Variants in RASGRF2 observed in about 807,000 individuals in gnomAD.
RASGRF2 encodes the protein ras-specific guanine nucleotide-releasing factor 2.
In RASGRF2, 76 loss-of-function variants were observed where a neutral mutation model predicts 151.0. That is an observed-to-expected ratio of 0.50 (90% confidence interval 0.42 to 0.61). The LOEUF (loss-of-function observed/expected upper bound fraction) is 0.61. Among genes scored for constraint, RASGRF2 ranks in the 20% least tolerant of loss-of-function variants. RASGRF2 has a pLI of 0.00. For synonymous variants in RASGRF2, 504 were observed against 566.5 expected (o/e 0.89, Z 1.57); for missense variants, 1,148 against 1,564.6 (o/e 0.73, Z 4.49).
chr5:81,158,786 A>G (rs1448383591), intron 17 of RASGRF2, among the ~76,000 whole-genome samples: 1 of 152,202 alleles, frequency 6.6e-6, no homozygotes, highest in Non-Finnish European at 1.5e-5. Flanking sequence ...AGATGGTGAC[A>G]AGAGGCAGTA....
intron 17 of RASGRF2, among the ~76,000 whole-genome samples, chr5:81,166,567 C>G (rs548507805): frequency 1.3e-5 from 2 of 152,270 alleles, no homozygotes; most frequent in African/African-American, 4.8e-5. Flanking sequence ...AAGAAAGACA[C>G]AGCCTCTATT....
At chr5:81,015,836 A>G (rs1749617278) in intron 1 of RASGRF2, among the ~76,000 whole-genome samples, 1 of 152,224 alleles carries the variant, frequency 6.6e-6, no homozygotes, top group Non-Finnish European at 1.5e-5. Flanking sequence ...AATGCAAAAA[A>G]TGAAACAATG....
intron 17 of RASGRF2, among the ~76,000 whole-genome samples, chr5:81,128,264 A>G (rs932784095): frequency 1.3e-5 from 2 of 152,182 alleles, no homozygotes; most frequent in Admixed American, 6.5e-5. Flanking sequence ...GAAAATGGTT[A>G]AGAGAGTAGA....
In RASGRF2 at chr5:80,960,433, C is replaced by T. The variant is rs2112194480; in HGVS notation, c.-306C>T. Reference sequence around the variant, plus strand: ...CCCGCAACTTTGGGCGAAGCGGCGGCCGGCTCGGGCGCCCTCGCGGGGCCG... The same window carrying T: ...CCCGCAACTTTGGGCGAAGCGGCGGTCGGCTCGGGCGCCCTCGCGGGGCCG... On this transcript the variant is annotated 5_prime_UTR_variant, in exon 1 of 27. Coordinates refer to ENST00000265080, the MANE Select transcript of RASGRF2 (RefSeq NM_006909.3). The surrounding 1 kb of genome is among the most constrained non-coding windows in gnomAD (Gnocchi z 5.5). Among the ~76,000 whole-genome samples, 1 of 150,244 alleles carries T rather than the reference C, an allele frequency of 6.7e-6. No individual in the cohort carries two copies. Among genetic ancestry groups the T allele is most frequent in the South Asian group, 2.1e-4 (1 of 4,710 alleles).
intron 12 of RASGRF2, among the ~76,000 whole-genome samples, chr5:81,097,545 TAAG>T (rs760820849): frequency 1.3e-5 from 2 of 152,112 alleles, no homozygotes; most frequent in Non-Finnish European, 2.9e-5. Flanking sequence ...TAGGGCAAGG[TAAG>T]AAGGATTGGG....
intron 1 of RASGRF2, among the ~76,000 whole-genome samples, chr5:81,042,151 T>C (rs1209622780): frequency 6.6e-6 from 1 of 152,186 alleles, no homozygotes; most frequent in African/African-American, 2.4e-5. Flanking sequence ...TGAGAGAAAT[T>C]ATTTTACCCC....
intron 4 of RASGRF2, among the ~76,000 whole-genome samples, chr5:81,072,960 T>C (rs971950046): frequency 2.6e-5 from 4 of 152,218 alleles, no homozygotes; most frequent in Non-Finnish European, 4.4e-5. Context: ...GTACCCAGCA[T>C]TTACCTGGGC....
At chr5:81,003,430 A>G (rs538372792) in intron 1 of RASGRF2, among the ~76,000 whole-genome samples, 33 of 151,828 alleles carry the variant, frequency 2.2e-4, no homozygotes, top group South Asian at 1.0e-3. Context: ...TCACCAGGTT[A>G]GCCAGGATGG....
intron 19 of RASGRF2, among the ~76,000 whole-genome samples, chr5:81,205,971 G>A (rs545140821): frequency 6.6e-6 from 1 of 152,172 alleles, no homozygotes; most frequent in Non-Finnish European, 1.5e-5. Flanking sequence ...GGATGGTCTC[G>A]ATCTCCTGAC....
At chr5:81,099,900 CTTTTTTCTTTTTTT>C (rs1752648070) in intron 12 of RASGRF2, among the ~76,000 whole-genome samples, 1 of 127,644 alleles carries the variant, frequency 7.8e-6, no homozygotes, top group Non-Finnish European at 1.6e-5. Flanking sequence ...CACTATTTTT[CTTTTTTCTTTTTTT>C]TTTTTTTTTT....
intron 17 of RASGRF2, among the ~76,000 whole-genome samples, chr5:81,128,284 C>G (rs1283869730): frequency 6.6e-6 from 1 of 152,070 alleles, no homozygotes; most frequent in Non-Finnish European, 1.5e-5. Flanking sequence ...ATTTTAGATG[C>G]TCTCCCCACA....
chr5:81,134,421 T>C (rs1307257861), intron 17 of RASGRF2, among the ~76,000 whole-genome samples: 4 of 152,150 alleles, frequency 2.6e-5, no homozygotes, highest in Admixed American at 6.5e-5. Context: ...TCTCTGGGCC[T>C]GTTGTTTCAT....
chr5:81,043,519 G>A (rs528349233), intron 2 of RASGRF2, among the ~76,000 whole-genome samples: 2 of 152,250 alleles, frequency 1.3e-5, no homozygotes, highest in Admixed American at 6.5e-5. Flanking sequence ...CTGTGATTTC[G>A]CTTCCCCCTA....
intron 1 of RASGRF2, among the ~76,000 whole-genome samples, chr5:80,968,224 C>G (rs1334094048): frequency 6.6e-6 from 1 of 152,184 alleles, no homozygotes; most frequent in Non-Finnish European, 1.5e-5. Context: ...AAGTATTTTC[C>G]TTTCCTTTCC....
intron 17 of RASGRF2, among the ~76,000 whole-genome samples, chr5:81,177,862 G>C (rs529906730): frequency 8.4e-4 from 128 of 152,202 alleles, no homozygotes; most frequent in African/African-American, 3.0e-3. Context: ...CAAAGGCCCT[G>C]GGGTAAGGAT....
chr5:81,208,466 G>C (rs1483821248), intron 22 of RASGRF2, 28 bp downstream of exon 22: 1 of 1,580,526 alleles, frequency 6.3e-7, no homozygotes, highest in Non-Finnish European at 8.7e-7. Context: ...TAAAACCGTG[G>C]GCGTGTCACA....
At chr5:81,217,012 T>A (rs1460225801) in intron 24 of RASGRF2, 1 of 456,268 alleles carries the variant, frequency 2.2e-6, no homozygotes, top group African/African-American at 2.0e-5. Context: ...CATAGAGGTT[T>A]CCCTCCAAGC....
chr5:81,107,994 G>C (rs761663488), intron 12 of RASGRF2, among the ~76,000 whole-genome samples: 1 of 152,228 alleles, frequency 6.6e-6, no homozygotes, highest in Non-Finnish European at 1.5e-5. Context: ...AGACTGAATA[G>C]TCAGAATTCC....
At chr5:81,188,632 T>C (rs1192098383) in intron 18 of RASGRF2, among the ~76,000 whole-genome samples, 1 of 152,220 alleles carries the variant, frequency 6.6e-6, no homozygotes, top group Non-Finnish European at 1.5e-5. Context: ...TATCACTTAC[T>C]TTATATCAGA....
Sources: allele counts gnomAD v4.1 joint callset (sites outside exome capture counted in the v4.1 genomes callset), GRCh38; gene constraint gnomAD v4.1.1; non-coding constraint Gnocchi (gnomAD v3.1); transcripts MANE v1.5; gene names NCBI Gene and HGNC (gene_info 2026-07-23, HGNC 2026-07-21).